RP1: variants seen among roughly 807,000 people sequenced by gnomAD.
RP1 encodes the protein oxygen-regulated protein 1.
In RP1, 16 loss-of-function variants were observed where a neutral mutation model predicts 14.8. The observed-to-expected ratio is 1.08, with a 90% CI of 0.73 to 1.65. The LOEUF (loss-of-function observed/expected upper bound fraction) is 1.65, where lower values mean the gene tolerates loss of function less well. RP1 is among the 40% of genes most tolerant of loss of function. The pLI is 0.00. For missense variants in RP1, 2,631 were observed against 2,535.0 expected, an observed-to-expected ratio of 1.04 and a Z score of -0.81; for synonymous variants, 876 against 883.6, an observed-to-expected ratio of 0.99 and a Z score of 0.15.
chr8:54,683,428 T>G (rs1050628910), intron 12 of RP1, among the ~76,000 whole-genome samples: 18 of 152,314 alleles, frequency 1.2e-4, no homozygotes, highest in Non-Finnish European at 1.6e-4. Flanking sequence ...ATTCTTCCTC[T>G]CTGTGAGCAT....
chr8:54,845,169 G>A (rs539377746), intron 25 of RP1, among the ~76,000 whole-genome samples: 2 of 152,226 alleles, frequency 1.3e-5, no homozygotes, highest in Non-Finnish European at 1.5e-5. Context: ...AAGTTAGGAA[G>A]GAGGAGACAA....
At chr8:54,655,888 A>T (rs1029657177) in intron 5 of RP1, among the ~76,000 whole-genome samples, 14 of 152,156 alleles carry the variant, frequency 9.2e-5, no homozygotes, top group African/African-American at 3.4e-4. Flanking sequence ...AAATAGGAAG[A>T]TTTTTAGATA....
chr8:54,727,701 G>A (rs906244092), intron 17 of RP1, among the ~76,000 whole-genome samples: 15 of 151,746 alleles, frequency 9.9e-5, no homozygotes, highest in African/African-American at 1.7e-4. Flanking sequence ...AATATGAATT[G>A]TGTGCCCATT....
intron 1 of RP1, among the ~76,000 whole-genome samples, chr8:54,573,758 T>C (rs1175916006): frequency 6.6e-6 from 1 of 152,200 alleles, no homozygotes; most frequent in Non-Finnish European, 1.5e-5. Context: ...GGTCACTAGA[T>C]GGGTGTTGAA....
intron 24 of RP1, among the ~76,000 whole-genome samples, chr8:54,822,252 T>C (rs1284052650): frequency 6.6e-6 from 1 of 152,196 alleles, no homozygotes; most frequent in Non-Finnish European, 1.5e-5. Context: ...TAAATTCACT[T>C]CTATGAAAGA....
intron 23 of RP1, chr8:54,780,780 G>A (rs139816780): frequency 1.8e-4 from 34 of 190,798 alleles, no homozygotes; most frequent in Middle Eastern, 5.5e-3. Context: ...ATCTATTGGC[G>A]TTGGTATCTA....
chr8:54,690,512 G>A (rs1443505015), intron 12 of RP1, among the ~76,000 whole-genome samples: 1 of 151,994 alleles, frequency 6.6e-6, no homozygotes, highest in African/African-American at 2.4e-5. Context: ...ATTGGGTATT[G>A]TCTGGTTCAG....
At chr8:54,620,357 T>C (rs1805825017) in intron 1 of RP1, among the ~76,000 whole-genome samples, 1 of 152,232 alleles carries the variant, frequency 6.6e-6, no homozygotes, top group Non-Finnish European at 1.5e-5. Flanking sequence ...CCCTACGGTA[T>C]TCAAACAGTA....
chr8:54,694,507 G>C (rs981785553), intron 12 of RP1, among the ~76,000 whole-genome samples: 2 of 152,096 alleles, frequency 1.3e-5, no homozygotes, highest in Non-Finnish European at 2.9e-5. Context: ...GCCTGTTATT[G>C]GTCTATTCAG....
chr8:54,857,324 A>C (rs1438565174), intron 27 of RP1, among the ~76,000 whole-genome samples: 1 of 147,660 alleles, frequency 6.8e-6, no homozygotes, highest in Non-Finnish European at 1.5e-5. Context: ...TAATTATAAT[A>C]TATTTATAGA....
At chr8:54,828,303 G>A (rs6983719) in intron 24 of RP1, among the ~76,000 whole-genome samples, 46,515 of 152,030 alleles carry the variant, frequency 0.31, 7,325 homozygotes, top group South Asian at 0.37. Context: ...CTGACCCCCA[G>A]GGTTGGAGAT....
intron 23 of RP1, among the ~76,000 whole-genome samples, chr8:54,779,024 A>G (rs571964731): frequency 6.6e-6 from 1 of 152,204 alleles, no homozygotes; most frequent in Admixed American, 6.5e-5. Context: ...GGATCTGTTC[A>G]ACTTTTGAAC....
At chr8:54,648,603 A>G (rs990664936) in intron 3 of RP1, among the ~76,000 whole-genome samples, 2 of 152,170 alleles carry the variant, frequency 1.3e-5, no homozygotes, top group Admixed American at 1.3e-4. Flanking sequence ...CCTAAAAGGC[A>G]TTAATTCTCA....
intron 15 of RP1, among the ~76,000 whole-genome samples, chr8:54,708,425 C>T (rs1585625382): frequency 2.0e-5 from 3 of 150,920 alleles, no homozygotes; most frequent in South Asian, 4.2e-4. Context: ...GGCGCAATCT[C>T]GGCTCACTGC....
intron 1 of RP1, among the ~76,000 whole-genome samples, chr8:54,620,748 T>C (rs1805836238): frequency 6.6e-6 from 1 of 152,214 alleles, no homozygotes; most frequent in Non-Finnish European, 1.5e-5. Flanking sequence ...AAATTATACA[T>C]ATCCTTATTT....
intron 17 of RP1, among the ~76,000 whole-genome samples, chr8:54,731,264 T>C (rs1808787806): frequency 6.6e-6 from 1 of 152,124 alleles, no homozygotes. Context: ...GTCAACCTGA[T>C]TGGTGTTTAA....
chr8:54,733,434 A>G (rs1231655178), intron 17 of RP1, among the ~76,000 whole-genome samples: 1 of 152,174 alleles, frequency 6.6e-6, no homozygotes, highest in Non-Finnish European at 1.5e-5. Flanking sequence ...CTAGAGAAAG[A>G]AACTTTTAAA....
intron 6 of RP1, among the ~76,000 whole-genome samples, chr8:54,659,419 T>G (rs1003310729): frequency 1.3e-5 from 2 of 152,174 alleles, no homozygotes; most frequent in African/African-American, 4.8e-5. Flanking sequence ...AAGATAAAGA[T>G]TCAACTTTAT....
chr8:54,824,970 TTTA>T (rs1563387877), intron 24 of RP1, among the ~76,000 whole-genome samples: 3 of 143,640 alleles, frequency 2.1e-5, no homozygotes, highest in Admixed American at 6.8e-5. Flanking sequence ...CTTTTTTTTT[TTTA>T]ATTTATTTAT....
Sources: gnomAD v4.1 joint callset for allele counts (sites outside exome capture counted in the v4.1 genomes callset) on GRCh38, gnomAD v4.1.1 for gene constraint, MANE v1.5 for transcripts, NCBI Gene and HGNC (gene_info 2026-07-23, HGNC 2026-07-21) for gene names.